Variants in PTPRG observed in about 807,000 individuals in gnomAD.
PTPRG encodes the protein protein tyrosine phosphatase receptor type G.
PTPRG carries 102 observed loss-of-function variants against 165.3 expected under a neutral mutation model. The ratio of observed to expected loss-of-function variants is 0.62; its 90% CI spans 0.53 to 0.73. The LOEUF (loss-of-function observed/expected upper bound fraction) is 0.73, where lower values mean the gene tolerates loss of function less well. Ranked by LOEUF, PTPRG falls within the 30% of genes least tolerant of loss-of-function variation. The pLI is 0.00. For synonymous variants in PTPRG, 675 were observed against 669.5 expected (o/e 1.01, Z -0.13); for missense variants, 1,866 against 1,861.4 (o/e 1.00, Z -0.05).
chr3:61,880,977 G>A (rs1300780862), intron 2 of PTPRG, among the ~76,000 whole-genome samples: 2 of 141,638 alleles, frequency 1.4e-5, no homozygotes, highest in South Asian at 4.6e-4. Context: ...TTTAAATTTT[G>A]TTATAGCCCC....
At chr3:62,037,819 A>G (rs1032527229) in intron 4 of PTPRG, among the ~76,000 whole-genome samples, 8 of 152,214 alleles carry the variant, frequency 5.3e-5, no homozygotes. Context: ...CTGGGGAGAC[A>G]GCAAGTTCTT....
At chr3:61,889,910 C>T (rs550764243) in intron 2 of PTPRG, among the ~76,000 whole-genome samples, 1 of 152,250 alleles carries the variant, frequency 6.6e-6, no homozygotes, top group African/African-American at 2.4e-5. Flanking sequence ...CAGAGACATA[C>T]CTGCAAACAA....
At chr3:61,749,113 T>C (rs1262391871) in intron 2 of PTPRG, 131 bp downstream of exon 2, 6 of 811,618 alleles carry the variant, frequency 7.4e-6, no homozygotes, top group Non-Finnish European at 1.2e-5. Flanking sequence ...TCACTAAAAG[T>C]TGAAATATTC....
At chr3:62,223,840 A>ATT (rs1559674808) in intron 13 of PTPRG, among the ~76,000 whole-genome samples, 1 of 152,188 alleles carries the variant, frequency 6.6e-6, no homozygotes, top group Non-Finnish European at 1.5e-5. Flanking sequence ...ATGTCATCAC[A>ATT]TTGTATAGCT....
intron 21 of PTPRG, 125 bp from the exon 22 acceptor site, chr3:62,272,821 A>G: frequency 8.9e-7 from 1 of 1,118,880 alleles, no homozygotes; most frequent in Non-Finnish European, 1.2e-6. Context: ...TGGGCAACAG[A>G]GTGAAACTCC....
intron 1 of PTPRG, among the ~76,000 whole-genome samples, chr3:61,680,593 C>T (rs1703402080): frequency 2.3e-5 from 1 of 43,790 alleles, no homozygotes. Flanking sequence ...GTTTTTCATT[C>T]TGTCCTTCAA....
intron 1 of PTPRG, among the ~76,000 whole-genome samples, chr3:61,573,871 A>C (rs755843566): frequency 6.6e-6 from 1 of 152,190 alleles, no homozygotes; most frequent in South Asian, 2.1e-4. Context: ...ATATATTGTC[A>C]TGGTGGTTGA....
chr3:61,732,867 C>G (rs924312079), intron 1 of PTPRG, among the ~76,000 whole-genome samples: 2 of 152,172 alleles, frequency 1.3e-5, no homozygotes, highest in Non-Finnish European at 2.9e-5. Context: ...TGGAACATTC[C>G]CTTTTTCTGT....
chr3:61,797,745 G>T (rs1255941376), intron 2 of PTPRG, among the ~76,000 whole-genome samples: 1 of 152,046 alleles, frequency 6.6e-6, no homozygotes, highest in East Asian at 1.9e-4. Flanking sequence ...TTGTATGCTG[G>T]TGTTAGATCA....
Position 62,292,536 on chromosome 3 carries a change from C to G in PTPRG, c.4171C>G (p.Pro1391Ala), listed in dbSNP as rs765112298. The G allele has an allele frequency of 5.6e-6, 9 of 1,613,286 alleles. No homozygotes were observed. Among genetic ancestry groups the G allele is most frequent in the Non-Finnish European group, 7.6e-6 (9 of 1,179,544 alleles). The change falls in exon 29 of 30, where the codon CCT becomes GCT. Residue 1391 changes from proline to alanine, a missense_variant. By Grantham distance (27) the Pro-to-Ala change is conservative. Around this residue, in one of 3 missense-constraint regions of PTPRG, gnomAD observed 1,452 missense variants for 1,463.0 expected, o/e 0.99. Coordinates refer to ENST00000474889, the MANE Select transcript of PTPRG (RefSeq NM_002841.4). Reference protein sequence around the residue: ...QVAKMINLMRPGVFTDIEQYQ... With the variant: ...QVAKMINLMRAGVFTDIEQYQ... ...TGCAAAAATGATCAATCTTATGAGG[C>G]CTGGAGTATTCACAGACATTGTAAG...
chr3:62,088,064 T>C, intron 5 of PTPRG, among the ~76,000 whole-genome samples: 1 of 152,324 alleles, frequency 6.6e-6, no homozygotes, highest in East Asian at 1.9e-4. Flanking sequence ...TTGAATTGAA[T>C]GTATTAACCT....
At position 62,191,489 on chromosome 3, in the gene PTPRG, C is replaced by G; in HGVS notation, c.1054C>G (p.His352Asp). The G allele has an allele frequency of 6.2e-7, 1 of 1,614,008 alleles. No homozygotes were observed. Among genetic ancestry groups the G allele is most frequent in the Non-Finnish European group, 8.5e-7 (1 of 1,180,002 alleles). The change falls in exon 9 of 30, where the codon CAC becomes GAC. Residue 352 changes from histidine to aspartate, a missense_variant. His to Asp is a moderately conservative substitution (Grantham distance 81). Around this residue, in one of 3 missense-constraint regions of PTPRG, gnomAD observed 1,452 missense variants for 1,463.0 expected, o/e 0.99. Coordinates refer to ENST00000474889, the MANE Select transcript of PTPRG (RefSeq NM_002841.4). ...ASKVCSSPPI[H>D]MKVQPLNQTA... ...TTCAGTTTGCAGCTCTCCACCCATC[C>G]ACATGAAGGTGCAGCCTCTGAACCA...
chr3:61,877,582 A>G (rs2037777714), intron 2 of PTPRG, among the ~76,000 whole-genome samples: 1 of 152,238 alleles, frequency 6.6e-6, no homozygotes, highest in South Asian at 2.1e-4. Flanking sequence ...TTAAATCTCA[A>G]TAGTTTTTGT....
chr3:62,157,086 T>A lies in PTPRG; in HGVS notation c.702T>A (p.Asp234Glu), dbSNP rs776788449. 10 of 1,607,728 alleles carry A rather than the reference T, an allele frequency of 6.2e-6. No homozygotes were observed. Among genetic ancestry groups the A allele is most frequent in the Non-Finnish European group, 8.5e-6 (10 of 1,174,288 alleles). The change falls in exon 7 of 30, where the codon GAT (aspartate) becomes GAA (glutamate). Residue 234 changes from aspartate to glutamate, a missense_variant. Coordinates refer to ENST00000474889, the MANE Select transcript of PTPRG (RefSeq NM_002841.4). ...VVHHEKETFL[D>E]PFVLRDLLPA... ...AAACAGAGAAGGAGACCTTTCTGGA[T>A]CCTTTCGTCCTCCGGGACCTCCTGC...
chr3:62,254,034 A>C lies in PTPRG; in HGVS notation c.2468-1090A>C, dbSNP rs1225660511. ...CCACCCTAGAGCTTTGCTCTCTCGA[A>C]AGAAAGAAGGAATGACATAGTCAAT... is the stretch of plus-strand genomic sequence containing the variant. On this transcript the variant is annotated intron_variant, in intron 15 of 29. Transcript: ENST00000474889. This position sits in a 1 kb window ranked among gnomAD's most constrained non-coding sequence, Gnocchi z 4.6. 6.6e-6 allele frequency among the ~76,000 whole-genome samples: 1 copy of C among 152,226 alleles called. No individual in the cohort carries two copies. Among genetic ancestry groups the C allele is most frequent in the Non-Finnish European group, 1.5e-5 (1 of 68,044 alleles).
intron 2 of PTPRG, among the ~76,000 whole-genome samples, chr3:61,884,170 C>A (rs185628526): frequency 5.3e-4 from 81 of 152,226 alleles, no homozygotes; most frequent in African/African-American, 1.6e-3. Context: ...TGAGCCGTTT[C>A]TTTATCCCCC....
chr3:62,156,996 T>G (rs1700958667), intron 6 of PTPRG, 71 bp from the exon 7 acceptor site: 2 of 1,390,576 alleles, frequency 1.4e-6, no homozygotes, highest in Non-Finnish European at 2.0e-6. Context: ...GCCGAGGGTG[T>G]TGACTGTGTC....
At chr3:62,121,298 T>G (rs1703062412) in intron 5 of PTPRG, among the ~76,000 whole-genome samples, 1 of 152,086 alleles carries the variant, frequency 6.6e-6, no homozygotes, top group South Asian at 2.1e-4. Context: ...GGAACTGTGC[T>G]AAATACTCAC....
chr3:61,948,329 A>G (rs1253716622), intron 2 of PTPRG, among the ~76,000 whole-genome samples: 11 of 150,406 alleles, frequency 7.3e-5, no homozygotes, highest in Non-Finnish European at 1.5e-4. Flanking sequence ...CCGTTTTACA[A>G]AAAAAAAAGA....
Sources: allele counts gnomAD v4.1 joint callset (sites outside exome capture counted in the v4.1 genomes callset), GRCh38; gene constraint gnomAD v4.1.1; regional missense constraint gnomAD v4.1.1; non-coding constraint Gnocchi (gnomAD v3.1); transcripts MANE v1.5; gene names NCBI Gene and HGNC (gene_info 2026-07-23, HGNC 2026-07-21).